ZNF775: variants seen among roughly 807,000 people sequenced by gnomAD.
The protein encoded by ZNF775 is zinc finger protein 775.
ZNF775 carries 1 observed loss-of-function variant against 2.4 expected under a neutral mutation model. The ratio of observed to expected loss-of-function variants is 0.41; its 90% CI spans 0.15 to 1.94. ZNF775 has a LOEUF of 1.94. Among genes scored for constraint, ZNF775 ranks in the 30% most tolerant of loss-of-function variants. The pLI, the probability that ZNF775 is intolerant of heterozygous loss-of-function variation, is 0.30. For synonymous variants in ZNF775, 381 were observed against 373.3 expected, an observed-to-expected ratio of 1.02 and a Z score of -0.24; for missense variants, 823 against 826.6, an observed-to-expected ratio of 1.00 and a Z score of 0.05.
At chr7:150,388,571 C>T (rs1013336484) in intron 2 of ZNF775, 70 bp downstream of exon 2, 111 of 1,538,908 alleles carry the variant, frequency 7.2e-5, no homozygotes, top group Non-Finnish European at 9.3e-5. Context: ...CTTATCTTTT[C>T]TAAAGCCAGG....
At position 150,397,274 on chromosome 7, in the gene ZNF775, G is replaced by A. The variant is rs528114919; in HGVS notation, c.793G>A (p.Ala265Thr). Residue 265 changes from alanine (A) to threonine (T), a missense_variant, in exon 3 of 3, where the codon GCC (alanine) becomes ACC (threonine). Physicochemically the swap from Ala to Thr is moderately conservative, Grantham distance 58 (BLOSUM62 0). Transcript: ENST00000329630. ...LCQGWWGQPGARAAVSGPEGP... is the reference protein window; with the variant it reads ...LCQGWWGQPGTRAAVSGPEGP... ...CCAGGGCTGGTGGGGCCAGCCCGGG[G>A]CCCGGGCCGCGGTCTCCGGCCCCGA... is the stretch of plus-strand genomic sequence containing the variant. 2.1e-6 allele frequency: 3 copies of A among 1,448,378 alleles called. No individual in the cohort carries two copies. The highest frequency in any genetic ancestry group is 2.7e-6 in the Non-Finnish European group (3 of 1,102,330). 89.7% of individuals were successfully genotyped at this position (1,448,378 alleles called of 1,614,324 possible).
At chr7:150,391,702 CTTTCT>C (rs1554486679) in intron 2 of ZNF775, among the ~76,000 whole-genome samples, 2 of 68,734 alleles carry the variant, frequency 2.9e-5, no homozygotes, top group African/African-American at 5.1e-5. Flanking sequence ...TTTTTCCTTT[CTTTCT>C]TTTTTTTTTT....
chr7:150,388,260 T>C (rs1041906406), intron 1 of ZNF775, among the ~76,000 whole-genome samples, 162 bp from the exon 2 acceptor site: 1 of 152,182 alleles, frequency 6.6e-6, no homozygotes, highest in Non-Finnish European at 1.5e-5. Flanking sequence ...TCAGCAGGTA[T>C]GCTTACAATG....
intron 2 of ZNF775, among the ~76,000 whole-genome samples, chr7:150,391,706 C>CT (rs535705895): frequency 0.021 from 1,542 of 73,582 alleles, 62 homozygotes; most frequent in African/African-American, 0.078. Context: ...TCCTTTCTTT[C>CT]TTTTTTTTTT....
chr7:150,396,148 C>T lies in ZNF775; in HGVS notation c.32-365C>T, dbSNP rs184112566. Among the ~76,000 whole-genome samples the T allele has an allele frequency of 7.4e-3, 1,125 of 152,270 alleles. 5 individuals are homozygous for T. The highest frequency in any genetic ancestry group is 0.012 in the Non-Finnish European group (839 of 68,004). ...ATTTCACTGGATCGGTTTCTTTAAA[C>T]CTTCTCTGCATCTCCTCGGCCTCAG... is the stretch of plus-strand genomic sequence containing the variant. On this transcript the variant is annotated intron_variant, in intron 2 of 2. Transcript: ENST00000329630.
chr7:150,397,184 C>T lies in ZNF775; in HGVS notation c.703C>T (p.Arg235Trp), dbSNP rs1323902459. Residue 235 changes from arginine (R) to tryptophan (W), a missense_variant, in exon 3 of 3, where the codon CGG (arginine) becomes TGG (tryptophan). Transcript: ENST00000329630. Reference sequence around the variant, plus strand: ...GCTGATTCAGGACGCGGCGGCGCGCCGGGCCTGTCGCCTGCAGCCGGGGCC... The same window carrying T: ...GCTGATTCAGGACGCGGCGGCGCGCTGGGCCTGTCGCCTGCAGCCGGGGCC... ...HELIQDAAAR[R>W]ACRLQPGPPR... is the part of the protein sequence containing the mutation. 2.6e-5 allele frequency: 31 copies of T among 1,213,636 alleles called. No homozygotes were observed. The highest frequency in any genetic ancestry group is 4.6e-5 in the Admixed American group (1 of 21,964). The allele number at this position is 1,213,636 out of a possible 1,614,324, so 75.2% of individuals were successfully genotyped here.
Position 150,388,495 on chromosome 7 carries a change from G to C in ZNF775, c.25G>C (p.Gly9Arg), listed in dbSNP as rs1292520600. 6.4e-7 allele frequency: 1 copy of C among 1,551,718 alleles called. No individual in the cohort carries two copies. The highest frequency in any genetic ancestry group is 8.7e-7 in the Non-Finnish European group (1 of 1,147,090). Residue 9 changes from glycine (G) to arginine (R), a missense_variant, in exon 2 of 3, where the codon GGC (glycine) becomes CGC (arginine). Coordinates refer to ENST00000329630, the MANE Select transcript of ZNF775 (RefSeq NM_173680.4). ...GATGGAGAGTGGCCTGGCTGGCAAC[G>C]GCACAGGTAAGAGAGAAGAAAGAGG... is the stretch of plus-strand genomic sequence containing the variant. Reference protein sequence around the residue: MESGLAGNGTGAGLVMKVK... With the variant: MESGLAGNRTGAGLVMKVK...
intron 2 of ZNF775, among the ~76,000 whole-genome samples, chr7:150,389,427 G>A (rs4725887): frequency 0.47 from 70,921 of 152,186 alleles, 16,741 homozygotes; most frequent in Admixed American, 0.5. Context: ...TGGCAGCGTG[G>A]TGTGTGGACA....
chr7:150,396,933 C>A lies in ZNF775; in HGVS notation c.452C>A (p.Ala151Glu). ...AGCTTCAGCCAGAAGCCGAACCTGG[C>A]GCGCCACCAGCGGCACCACACGGGC... is the stretch of plus-strand genomic sequence containing the variant. ...GKSFSQKPNL[A>E]RHQRHHTGER... The change falls in exon 3 of 3, where the codon GCG becomes GAG. Residue 151 changes from alanine to glutamate, a missense_variant. Physicochemically the swap from Ala to Glu is moderately radical, Grantham distance 107 (BLOSUM62 -1). Transcript: ENST00000329630. The A allele has an allele frequency of 1.2e-6, 2 of 1,601,392 alleles. No individual in the cohort carries two copies. Among genetic ancestry groups the A allele is most frequent in the Middle Eastern group, 1.7e-4 (1 of 6,058 alleles).
Position 150,397,405 on chromosome 7 carries a change from C to T in ZNF775, c.924C>T (p.Pro308=), listed in dbSNP as rs761746396. Residue 308 remains proline (P), a synonymous_variant, in exon 3 of 3, where the codon CCC becomes CCT. Transcript: ENST00000329630. ...AGCGCATCCACACTGGCGAGCGCCC[C>T]TATGCGTGCCCCGAGTGCGGCCGCC... ...IHQRIHTGER[P]YACPECGRRF... is the part of the protein sequence containing the mutation. 1.3e-5 allele frequency: 20 copies of T among 1,597,312 alleles called. No individual in the cohort carries two copies. The highest frequency in any genetic ancestry group is 3.3e-4 in the Middle Eastern group (2 of 6,028).
Position 150,397,803 on chromosome 7 carries a change from G to T in ZNF775, c.1322G>T (p.Gly441Val). The T allele has an allele frequency of 6.4e-7, 1 of 1,570,730 alleles. No individual in the cohort carries two copies. The change falls in exon 3 of 3, where the codon GGC (glycine) becomes GTC (valine). Residue 441 changes from glycine (G) to valine (V), a missense_variant. Gly to Val is a moderately radical substitution (Grantham distance 109). Coordinates refer to ENST00000329630, the MANE Select transcript of ZNF775 (RefSeq NM_173680.4). ...GRGQAGLAGP[G>V]EPRQFICNEC... ...GGACAAGCGGGCCTCGCTGGGCCTG[G>T]CGAGCCGCGCCAGTTCATCTGCAAC...
At chr7:150,394,319 C>A (rs181829007) in intron 2 of ZNF775, among the ~76,000 whole-genome samples, 6 of 152,112 alleles carry the variant, frequency 3.9e-5, no homozygotes, top group Non-Finnish European at 7.4e-5. Context: ...TGTTTTTGTA[C>A]TGGGCAATCT....
chr7:150,394,482 G>A (rs1453542583), intron 2 of ZNF775, among the ~76,000 whole-genome samples: 3 of 152,132 alleles, frequency 2.0e-5, no homozygotes, highest in Admixed American at 6.5e-5. Flanking sequence ...AAGGACAGCC[G>A]GCTGATTTCA....
In ZNF775 at chr7:150,396,761, G is replaced by A. The variant is rs1467033464; in HGVS notation, c.280G>A (p.Gly94Ser). ...LAGRAPGSAS[G>S]PLSPSLSSGE... ...AGGCCGGGCTCCCGGGTCAGCCTCC[G>A]GCCCCCTGAGCCCCTCGCTTTCCTC... Residue 94 changes from glycine to serine, a missense_variant, in exon 3 of 3, where the codon GGC becomes AGC. Transcript: ENST00000329630. 6.3e-7 allele frequency: 1 copy of A among 1,589,240 alleles called. No homozygotes were observed. The highest frequency in any genetic ancestry group is 1.1e-5 in the South Asian group (1 of 88,274).
chr7:150,389,592 A>T (rs1379740452), intron 2 of ZNF775, among the ~76,000 whole-genome samples: 1 of 152,088 alleles, frequency 6.6e-6, no homozygotes, highest in Non-Finnish European at 1.5e-5. Context: ...CCCCAGATAG[A>T]CTCATACCTG....
intron 2 of ZNF775, among the ~76,000 whole-genome samples, chr7:150,394,073 A>G (rs1250470017): frequency 2.0e-5 from 3 of 152,272 alleles, no homozygotes; most frequent in Admixed American, 6.5e-5. Context: ...GGCAATTTGT[A>G]TAGATGATAA....
At position 150,397,627 on chromosome 7, in the gene ZNF775, C is replaced by T. The variant is rs1340182406; in HGVS notation, c.1146C>T (p.Arg382=). Residue 382 remains arginine (R), a synonymous_variant, in exon 3 of 3, where the codon CGC becomes CGT. Coordinates refer to ENST00000329630, the MANE Select transcript of ZNF775 (RefSeq NM_173680.4). ...GKSCRSRAAL[R]AHQRAHAVAE... ...GCTGCCGCAGCCGCGCCGCGCTGCG[C>T]GCCCACCAGCGCGCCCACGCTGTCG... 3 of 1,342,594 alleles carry T rather than the reference C, an allele frequency of 2.2e-6. No individual in the cohort carries two copies. The highest frequency in any genetic ancestry group is 3.6e-5 in the East Asian group (1 of 27,954). 83.2% of individuals were successfully genotyped at this position (1,342,594 alleles called of 1,614,324 possible).
Position 150,388,501 on chromosome 7 carries a change from G to A in ZNF775, c.31G>A (p.Gly11Arg). 6.4e-7 allele frequency: 1 copy of A among 1,551,872 alleles called. No individual in the cohort carries two copies. The highest frequency in any genetic ancestry group is 8.7e-7 in the Non-Finnish European group (1 of 1,147,086). Residue 11 changes from glycine (G) to arginine (R), a missense_variant and splice_region_variant, in exon 2 of 3, where the codon GGA becomes AGA. Physicochemically the swap from Gly to Arg is moderately radical, Grantham distance 125. Coordinates refer to ENST00000329630, the MANE Select transcript of ZNF775 (RefSeq NM_173680.4). ...GAGTGGCCTGGCTGGCAACGGCACA[G>A]GTAAGAGAGAAGAAAGAGGAGGCAG... MESGLAGNGT[G>R]AGLVMKVKQE...
chr7:150,394,450 C>T (rs973696839), intron 2 of ZNF775, among the ~76,000 whole-genome samples: 2 of 152,164 alleles, frequency 1.3e-5, no homozygotes, highest in Non-Finnish European at 2.9e-5. Flanking sequence ...TTTGTTTTCC[C>T]CTCTGCCTTG....
Sources: allele counts gnomAD v4.1 joint callset (sites outside exome capture counted in the v4.1 genomes callset), GRCh38; gene constraint gnomAD v4.1.1; transcripts MANE v1.5; gene names NCBI Gene and HGNC (gene_info 2026-07-23, HGNC 2026-07-21).